The following C3orf33 variants were observed in gnomAD, a reference collection of about 807,000 sequenced individuals.
C3orf33 encodes mitochondrial inner membrane subdomain organizer 1.
Under a neutral mutation model 28.7 loss-of-function variants are expected in C3orf33, and 23 were observed. That is an observed-to-expected ratio of 0.80 (90% CI 0.58 to 1.13). The LOEUF is 1.13. Ranked by LOEUF, C3orf33 falls within the 50% of genes most tolerant of loss-of-function variation. The pLI is 0.00. For missense variants in C3orf33, 327 were observed against 353.4 expected (o/e 0.93, Z 0.60); for synonymous variants, 119 against 120.5 (o/e 0.99, Z 0.08).
At chr3:155,767,050 C>T (rs1315863682) in intron 4 of C3orf33, among the ~76,000 whole-genome samples, 1 of 152,046 alleles carries the variant, frequency 6.6e-6, no homozygotes, top group Non-Finnish European at 1.5e-5. Context: ...GTCAAGAGAT[C>T]GAGACCATCC....
At position 155,806,265 on chromosome 3, in the gene C3orf33, C is replaced by CT; in HGVS notation, c.-14dup. On this transcript the variant is annotated 5_prime_UTR_variant, in exon 1 of 5. Coordinates refer to ENST00000340171, the MANE Select transcript of C3orf33 (RefSeq NM_001308229.2). Reference sequence around the variant, plus strand: ...GCTGCCCCGCCATGTTCCCGGCCTCCTGCGAGCGGCCCTGAGCTCCTCCGG... The same window carrying CT: ...GCTGCCCCGCCATGTTCCCGGCCTCCTTGCGAGCGGCCCTGAGCTCCTCCGG... 2 of 1,464,012 alleles carry CT rather than the reference C, an allele frequency of 1.4e-6. No individual in the cohort carries two copies. The highest frequency in any genetic ancestry group is 1.8e-6 in the Non-Finnish European group (2 of 1,104,886). 90.7% of individuals were successfully genotyped at this position (1,464,012 alleles called of 1,614,324 possible).
chr3:155,799,166 G>A (rs112515183), intron 2 of C3orf33, among the ~76,000 whole-genome samples: 4 of 152,106 alleles, frequency 2.6e-5, no homozygotes, highest in African/African-American at 9.7e-5. Flanking sequence ...GTACACTGTT[G>A]GTGAAAAATG....
chr3:155,781,800 G>A lies in C3orf33; in HGVS notation c.175-5952C>T, dbSNP rs531845490. Among the ~76,000 whole-genome samples, 24 of 149,694 alleles carry A rather than the reference G, an allele frequency of 1.6e-4. 1 individual carries two copies. In the South Asian group the frequency reaches 3.2e-3, roughly 20 times the overall value. On this transcript the variant is annotated intron_variant, in intron 2 of 4. Transcript: ENST00000340171. ...AAAAAAAAAAAAAAAATAGTGGGCC[G>A]GGTGCGGTGGCTCATGCCTGTAATC...
At position 155,771,017 on chromosome 3, in the gene C3orf33, CTGTGTGTGTGTGTGTGTGTG is replaced by C. The variant is rs71138678; in HGVS notation, c.323-3368_323-3349del. On this transcript the variant is annotated intron_variant, in intron 3 of 4. Coordinates refer to ENST00000340171, the MANE Select transcript of C3orf33 (RefSeq NM_001308229.2). ...GTTGAGACATAGTTTTGCTCTGCCA[CTGTGTGTGTGTGTGTGTGTG>C]TGTGTGTGTGTGTGTGTGTTGAGAC... Among the ~76,000 whole-genome samples the C allele has an allele frequency of 5.5e-5, 6 of 109,660 alleles. No homozygotes were observed. In the South Asian group the frequency reaches 1.5e-3, roughly 27 times the overall value. The allele number at this position is 109,660 out of a possible 152,430, so 71.9% of individuals were successfully genotyped here. A position where few individuals can be genotyped will look rare whatever the true frequency, so the allele number is the denominator to read the frequency against.
chr3:155,802,428 C>G (rs1751675172), intron 2 of C3orf33, 104 bp downstream of exon 2: 3 of 804,896 alleles, frequency 3.7e-6, no homozygotes, highest in Non-Finnish European at 4.1e-6. Context: ...TAAAAGCTAC[C>G]AATACGAGTA....
intron 2 of C3orf33, among the ~76,000 whole-genome samples, chr3:155,777,189 C>T (rs1750776095): frequency 2.0e-5 from 3 of 151,944 alleles, no homozygotes. Context: ...TGGTGCATGC[C>T]TGTAATCCCA....
chr3:155,776,759 CAAAAAAAAA>C lies in C3orf33; in HGVS notation c.175-920_175-912del, dbSNP rs10654812. 5.8e-5 allele frequency among the ~76,000 whole-genome samples: 5 copies of C among 86,888 alleles called. No homozygotes were observed. The South Asian group carries it at 1.0e-3, about 17-fold the overall frequency. 57.0% of individuals were successfully genotyped at this position (86,888 alleles called of 152,430 possible). Reference sequence around the variant, plus strand: ...TGACAGAGCGAGAACCTGACTCTGTCAAAAAAAAAAAAAAAAAAAAAAAAAGAATAAATT... The same window carrying C: ...TGACAGAGCGAGAACCTGACTCTGTCAAAAAAAAAAAAAAAAGAATAAATT... On this transcript the variant is annotated intron_variant, in intron 2 of 4. Coordinates refer to ENST00000340171, the MANE Select transcript of C3orf33 (RefSeq NM_001308229.2).
intron 4 of C3orf33, among the ~76,000 whole-genome samples, chr3:155,764,554 G>A (rs1332731552): frequency 2.0e-5 from 3 of 151,262 alleles, no homozygotes; most frequent in Admixed American, 6.6e-5. Context: ...ATTAATTTAC[G>A]GTATAAAGGA....
At chr3:155,779,537 C>T (rs1469014324) in intron 2 of C3orf33, among the ~76,000 whole-genome samples, 2 of 152,128 alleles carry the variant, frequency 1.3e-5, no homozygotes, top group Non-Finnish European at 2.9e-5. Flanking sequence ...TCATGTGATC[C>T]GCCTGCCTCA....
chr3:155,786,343 CAAT>C (rs944093283), intron 2 of C3orf33, among the ~76,000 whole-genome samples: 13 of 151,916 alleles, frequency 8.6e-5, no homozygotes, highest in Admixed American at 5.9e-4. Flanking sequence ...CTTCAAAAAA[CAAT>C]AAAGCTGACA....
At chr3:155,787,196 T>A (rs1161975962) in intron 2 of C3orf33, among the ~76,000 whole-genome samples, 1 of 152,110 alleles carries the variant, frequency 6.6e-6, no homozygotes, top group Non-Finnish European at 1.5e-5. Context: ...AAAACCAGAT[T>A]CAGCCACTCT....
intron 2 of C3orf33, among the ~76,000 whole-genome samples, chr3:155,795,822 G>A (rs998852813): frequency 6.6e-6 from 1 of 151,876 alleles, no homozygotes; most frequent in Admixed American, 6.6e-5. Context: ...CAGATGTGGT[G>A]GTGCATGCCT....
intron 2 of C3orf33, 64 bp from the exon 3 acceptor site, chr3:155,775,912 G>A (rs941371322): frequency 8.1e-7 from 1 of 1,237,602 alleles, no homozygotes. Context: ...AATTTAAAAT[G>A]TCAAATTATC....
chr3:155,769,472 A>T (rs1750512700), intron 3 of C3orf33, among the ~76,000 whole-genome samples: 3 of 145,346 alleles, frequency 2.1e-5, no homozygotes, highest in Non-Finnish European at 4.5e-5. Context: ...TGGGCAATAG[A>T]GTGAGACTGT....
At chr3:155,786,088 A>AGGGGAAATG (rs1445887102) in intron 2 of C3orf33, among the ~76,000 whole-genome samples, 2 of 151,330 alleles carry the variant, frequency 1.3e-5, no homozygotes, top group South Asian at 4.2e-4. Context: ...GAAAAAGGGA[A>AGGGGAAATG]GGAAAGGAAA....
chr3:155,796,618 A>G (rs1168324095), intron 2 of C3orf33, among the ~76,000 whole-genome samples: 1 of 152,188 alleles, frequency 6.6e-6, no homozygotes, highest in Non-Finnish European at 1.5e-5. Context: ...TACCAATCCT[A>G]CTCAAATGAT....
chr3:155,764,185 A>G (rs1023023828), intron 4 of C3orf33, among the ~76,000 whole-genome samples: 1 of 152,194 alleles, frequency 6.6e-6, no homozygotes, highest in African/African-American at 2.4e-5. Context: ...AGAGGTGAGG[A>G]AGCAATAAAG....
At chr3:155,779,843 G>C (rs1750864698) in intron 2 of C3orf33, among the ~76,000 whole-genome samples, 1 of 152,130 alleles carries the variant, frequency 6.6e-6, no homozygotes, top group South Asian at 2.1e-4. Flanking sequence ...TTAATGTTTG[G>C]AGTTTTATAA....
intron 2 of C3orf33, among the ~76,000 whole-genome samples, chr3:155,783,928 G>T (rs1751021193): frequency 6.6e-6 from 1 of 150,706 alleles, no homozygotes; most frequent in African/African-American, 2.4e-5. Flanking sequence ...TTTTGTTTGG[G>T]GTTTTTTTTT....
Sources: allele counts gnomAD v4.1 joint callset (sites outside exome capture counted in the v4.1 genomes callset), GRCh38; gene constraint gnomAD v4.1.1; transcripts MANE v1.5; gene names NCBI Gene and HGNC (gene_info 2026-07-23, HGNC 2026-07-21).